The following RNF2 variants were observed in gnomAD, a reference collection of about 807,000 sequenced individuals.
RNF2 encodes the protein ring finger protein 2.
Under a neutral mutation model 37.2 loss-of-function variants are expected in RNF2, and 6 were observed. The observed-to-expected ratio is 0.16, with a 90% CI of 0.09 to 0.32. The LOEUF (loss-of-function observed/expected upper bound fraction) is 0.32. Among genes scored for constraint, RNF2 ranks in the 10% least tolerant of loss-of-function variants. The probability of loss-of-function intolerance (pLI) is 1.00; values close to 1 mark genes in which losing one functional copy is unlikely to be tolerated. For synonymous variants in RNF2, 133 were observed against 132.7 expected, an observed-to-expected ratio of 1.00 and a Z score of -0.02; for missense variants, 251 against 404.0, an observed-to-expected ratio of 0.62 and a Z score of 3.25.
chr1:185,099,219 T>G (rs562759829), intron 5 of RNF2, among the ~76,000 whole-genome samples: 54 of 152,102 alleles, frequency 3.6e-4, no homozygotes, highest in African/African-American at 1.3e-3. Flanking sequence ...GGCTAATTTT[T>G]GTATTTTTAG....
intron 1 of RNF2, among the ~76,000 whole-genome samples, chr1:185,069,465 A>AG (rs1471935380): frequency 6.6e-6 from 1 of 151,556 alleles, no homozygotes; most frequent in Non-Finnish European, 1.5e-5. Flanking sequence ...CTAAAAAAAA[A>AG]AAAAAAAAAA....
chr1:185,062,820 C>CCA (rs1553239533), intron 1 of RNF2, among the ~76,000 whole-genome samples: 185 of 148,354 alleles, frequency 1.2e-3, no homozygotes, highest in African/African-American at 4.5e-3. Context: ...TCCCCCCCCC[C>CCA]AAAAAAAGGC....
chr1:185,056,814 AT>A (rs1387966803), intron 1 of RNF2, among the ~76,000 whole-genome samples: 1 of 152,208 alleles, frequency 6.6e-6, no homozygotes, highest in Non-Finnish European at 1.5e-5. Context: ...ATAAAATAGT[AT>A]TCAGTTGTTG....
intron 1 of RNF2, among the ~76,000 whole-genome samples, chr1:185,073,923 G>A (rs114192030): frequency 0.02 from 3,070 of 152,128 alleles, 108 homozygotes; most frequent in African/African-American, 0.07. Flanking sequence ...ACACATTAAG[G>A]GATCAGTCCC....
chr1:185,055,138 T>C (rs1205391522), intron 1 of RNF2, among the ~76,000 whole-genome samples: 1 of 152,236 alleles, frequency 6.6e-6, no homozygotes, highest in Admixed American at 6.5e-5. Context: ...GAAAGTATGC[T>C]CTGCAGATCG....
At chr1:185,087,686 T>C (rs368960084) in intron 2 of RNF2, 46 bp downstream of exon 2, 40 of 1,357,302 alleles carry the variant, frequency 2.9e-5, no homozygotes, top group Non-Finnish European at 3.8e-5. Flanking sequence ...ACGTGTAAAC[T>C]GGGATACATT....
At chr1:185,089,304 G>A (rs1651697084) in intron 2 of RNF2, among the ~76,000 whole-genome samples, 1 of 152,204 alleles carries the variant, frequency 6.6e-6, no homozygotes, top group Admixed American at 6.5e-5. Context: ...CCTGTCCATG[G>A]CCTGAGGTTC....
rs182139793 is a variant in RNF2 at position 185,086,389 on chromosome 1, T to C, written c.-2-1163T>C. Reference sequence around the variant, plus strand: ...TTTTTATCTACAACCCTCTTTCCCATATTTATACTAGATGTCCCCCTACTC... The same window carrying C: ...TTTTTATCTACAACCCTCTTTCCCACATTTATACTAGATGTCCCCCTACTC... On this transcript the variant is annotated intron_variant, in intron 1 of 6. Coordinates refer to ENST00000367510, the MANE Select transcript of RNF2 (RefSeq NM_007212.4). 1.6e-3 allele frequency among the ~76,000 whole-genome samples: 236 copies of C among 152,160 alleles called. 1 individual carries two copies. The highest frequency in any genetic ancestry group is 3.1e-3 in the Non-Finnish European group (214 of 67,992).
chr1:185,063,677 C>A (rs1028155533), intron 1 of RNF2, among the ~76,000 whole-genome samples: 1 of 152,222 alleles, frequency 6.6e-6, no homozygotes, highest in Non-Finnish European at 1.5e-5. Context: ...ATGAGTCTTA[C>A]GGGATTGAAA....
intron 1 of RNF2, among the ~76,000 whole-genome samples, chr1:185,065,271 A>C (rs1449893225): frequency 6.6e-6 from 1 of 152,238 alleles, no homozygotes; most frequent in Non-Finnish European, 1.5e-5. Context: ...TGCACCAGTC[A>C]GCACTGTGAA....
chr1:185,087,453 T>G, intron 1 of RNF2, 99 bp from the exon 2 acceptor site: 1 of 943,960 alleles, frequency 1.1e-6, no homozygotes, highest in Non-Finnish European at 1.7e-6. Context: ...TCATTGAGAT[T>G]AGATTTCAAC....
At chr1:185,070,798 C>A (rs12049293) in intron 1 of RNF2, among the ~76,000 whole-genome samples, 8 of 151,830 alleles carry the variant, frequency 5.3e-5, no homozygotes, top group African/African-American at 1.9e-4. Flanking sequence ...GCCACCTCGC[C>A]GGCTCATTTT....
At chr1:185,084,678 A>G (rs535038375) in intron 1 of RNF2, among the ~76,000 whole-genome samples, 1 of 152,318 alleles carries the variant, frequency 6.6e-6, no homozygotes, top group South Asian at 2.1e-4. Context: ...ATTCTTCATA[A>G]TAGCTGAGGT....
chr1:185,095,323 C>G (rs1411286835), intron 4 of RNF2, among the ~76,000 whole-genome samples: 1 of 152,148 alleles, frequency 6.6e-6, no homozygotes, highest in Non-Finnish European at 1.5e-5. Context: ...TTACAGCTTC[C>G]TTACTGTTCT....
intron 5 of RNF2, among the ~76,000 whole-genome samples, chr1:185,099,483 T>C (rs901082942): frequency 6.6e-6 from 1 of 152,224 alleles, no homozygotes; most frequent in Non-Finnish European, 1.5e-5. Context: ...ATGTTCCTTT[T>C]TTTCCCCTTA....
chr1:185,100,320 T>G lies in RNF2; in HGVS notation c.*19T>G, dbSNP rs1243950910. On this transcript the variant is annotated 3_prime_UTR_variant, in exon 7 of 7. Transcript: ENST00000367510. ...CAAATGAGCCTTTAAAAACCAATTC[T>G]GAGACTGAACTTTTTTATAGCCTAT... 6.5e-7 allele frequency: 1 copy of G among 1,548,274 alleles called. No homozygotes were observed. Among genetic ancestry groups the G allele is most frequent in the Non-Finnish European group, 8.8e-7 (1 of 1,137,592 alleles).
At chr1:185,047,796 T>C (rs1650160948) in intron 1 of RNF2, among the ~76,000 whole-genome samples, 1 of 152,236 alleles carries the variant, frequency 6.6e-6, no homozygotes. Context: ...TAAGAGATTA[T>C]GTACTCTGCG....
At position 185,057,032 on chromosome 1, in the gene RNF2, G is replaced by C. The variant is rs116854929; in HGVS notation, c.-3+11383G>C. Reference sequence around the variant, plus strand: ...TATGTGTGTTTTAAAACCTGGGCTGGGTGCGGTGGCTCATGCCTGTAATCC... The same window carrying C: ...TATGTGTGTTTTAAAACCTGGGCTGCGTGCGGTGGCTCATGCCTGTAATCC... On this transcript the variant is annotated intron_variant, in intron 1 of 6. Transcript: ENST00000367510. Among the ~76,000 whole-genome samples the C allele has an allele frequency of 5.5e-3, 831 of 152,230 alleles. 32 individuals are homozygous for C. The East Asian group carries it at 0.085, about 16-fold the overall frequency.
At chr1:185,098,492 T>G in intron 5 of RNF2, 148 bp downstream of exon 5, 1 of 944,054 alleles carries the variant, frequency 1.1e-6, no homozygotes, top group Admixed American at 2.7e-5. Context: ...TGTTGTTTTC[T>G]TCCTTCCTCC....
Sources: gnomAD v4.1 joint callset for allele counts (sites outside exome capture counted in the v4.1 genomes callset) on GRCh38, gnomAD v4.1.1 for gene constraint, MANE v1.5 for transcripts, NCBI Gene and HGNC (gene_info 2026-07-23, HGNC 2026-07-21) for gene names.